The following SMU1 variants were observed in gnomAD, a reference collection of about 807,000 sequenced individuals.
The protein encoded by SMU1 is SMU1 DNA replication regulator and spliceosomal factor.
Under a neutral mutation model 62.0 loss-of-function variants are expected in SMU1, and 2 were observed. The observed-to-expected ratio is 0.03, with a 90% CI of 0.01 to 0.10. The LOEUF (loss-of-function observed/expected upper bound fraction) is 0.10. SMU1 is among the 10% of genes least tolerant of loss of function. SMU1 has a pLI of 1.00. For synonymous variants in SMU1, 188 were observed against 212.4 expected (o/e 0.89, Z 1.00); for missense variants, 227 against 622.1 (o/e 0.36, Z 6.76).
At position 33,044,639 on chromosome 9, in the gene SMU1, G is replaced by A. The variant is rs375400510; in HGVS notation, c.*2654C>T. On this transcript the variant is annotated 3_prime_UTR_variant, in exon 12 of 12. Coordinates refer to ENST00000397149, the MANE Select transcript of SMU1 (RefSeq NM_018225.3). ...GTGTGCCCATTTAAAGACAAAATCA[G>A]TGTGTTTTTCAGGTTTGTACGAAAT... The A allele has an allele frequency of 6.6e-6, 1 of 152,242 alleles. No individual in the cohort carries two copies. Among genetic ancestry groups the A allele is most frequent in the Non-Finnish European group, 1.5e-5 (1 of 68,050 alleles). The allele number at this position is 152,242 out of a possible 1,614,324, so 9.4% of individuals were successfully genotyped here. A position where few individuals can be genotyped will look rare whatever the true frequency, so the allele number is the denominator to read the frequency against.
At chr9:33,047,625 A>C (rs926150420) in intron 11 of SMU1, among the ~76,000 whole-genome samples, 1 of 152,210 alleles carries the variant, frequency 6.6e-6, no homozygotes, top group Non-Finnish European at 1.5e-5. Flanking sequence ...TGGGAGGCAG[A>C]GGCGGGTGGA....
In SMU1 at chr9:33,047,411, G is replaced by C. The variant is rs538367314; in HGVS notation, c.1444-20C>G. 6.9e-5 allele frequency: 110 copies of C among 1,600,566 alleles called. No individual in the cohort carries two copies. The highest frequency in any genetic ancestry group is 8.7e-5 in the Non-Finnish European group (102 of 1,169,686). On this transcript the variant is annotated intron_variant, in intron 11 of 11. Coordinates refer to ENST00000397149, the MANE Select transcript of SMU1 (RefSeq NM_018225.3). ...GTGCACCTGGAACATGTAAAGCACA[G>C]GGTTAGGATGTACAGATCTGCAATA...
At position 33,046,526 on chromosome 9, in the gene SMU1, A is replaced by G. The variant is rs1839185976; in HGVS notation, c.*767T>C. 1 of 151,426 alleles carries G rather than the reference A, an allele frequency of 6.6e-6. No homozygotes were observed. The highest frequency in any genetic ancestry group is 1.5e-5 in the Non-Finnish European group (1 of 67,960). 9.4% of individuals were successfully genotyped at this position (151,426 alleles called of 1,614,324 possible). A position where few individuals can be genotyped will look rare whatever the true frequency, so the allele number is the denominator to read the frequency against. ...AAGTAAATATGTTAACTAGATGAGCATTTATGTACATTTTAGAACAAAGTC... is the reference window on the plus strand; with the variant it reads ...AAGTAAATATGTTAACTAGATGAGCGTTTATGTACATTTTAGAACAAAGTC... On this transcript the variant is annotated 3_prime_UTR_variant, in exon 12 of 12. Coordinates refer to ENST00000397149, the MANE Select transcript of SMU1 (RefSeq NM_018225.3).
At chr9:33,062,536 C>G (rs909885019) in intron 4 of SMU1, among the ~76,000 whole-genome samples, 1 of 152,188 alleles carries the variant, frequency 6.6e-6, no homozygotes, top group African/African-American at 2.4e-5. Flanking sequence ...ATCTTCCCCC[C>G]CCACATATGT....
intron 10 of SMU1, among the ~76,000 whole-genome samples, chr9:33,050,645 G>A (rs1175576141): frequency 6.6e-6 from 1 of 151,728 alleles, no homozygotes; most frequent in Admixed American, 6.6e-5. Flanking sequence ...GGCCAAGATG[G>A]TGCAACCCTG....
chr9:33,047,447 A>G (rs1297441746), intron 11 of SMU1, 56 bp from the exon 12 acceptor site: 1 of 1,460,166 alleles, frequency 6.8e-7, no homozygotes, highest in Non-Finnish European at 9.5e-7. Context: ...AATCACTCTG[A>G]TGAGGCTTCC....
intron 4 of SMU1, among the ~76,000 whole-genome samples, chr9:33,065,074 C>G (rs1839405451): frequency 6.6e-6 from 1 of 152,014 alleles, no homozygotes; most frequent in African/African-American, 2.4e-5. Context: ...ACATGCTTTC[C>G]CTAGGTAATT....
chr9:33,075,115 G>A (rs578169064), intron 1 of SMU1, among the ~76,000 whole-genome samples: 4 of 152,164 alleles, frequency 2.6e-5, no homozygotes, highest in Non-Finnish European at 4.4e-5. Context: ...GGTGGCTCAC[G>A]CCTGTAATCT....
chr9:33,048,373 T>C, intron 10 of SMU1, 115 bp from the exon 11 acceptor site: 2 of 1,302,694 alleles, frequency 1.5e-6, no homozygotes, highest in Non-Finnish European at 2.1e-6. Flanking sequence ...TTTACTATCA[T>C]TTGTAATTAG....
chr9:33,047,237 T>C lies in SMU1; in HGVS notation c.*56A>G. On this transcript the variant is annotated 3_prime_UTR_variant, in exon 12 of 12. Transcript: ENST00000397149. ...CAAAAAAAAAAAAAAGCACATTACA[T>C]GAATATGCTTCATTTAAGTACATGC... The C allele has an allele frequency of 2.6e-6, 3 of 1,165,974 alleles. 1 individual carries two copies. The Admixed American group carries it at 6.5e-5, about 25-fold the overall frequency. The allele number at this position is 1,165,974 out of a possible 1,614,324, so 72.2% of individuals were successfully genotyped here. A position where few individuals can be genotyped will look rare whatever the true frequency, so the allele number is the denominator to read the frequency against.
chr9:33,051,959 G>C (rs911687149), intron 10 of SMU1, among the ~76,000 whole-genome samples: 1 of 150,694 alleles, frequency 6.6e-6, no homozygotes, highest in Non-Finnish European at 1.5e-5. Flanking sequence ...GGAGGTTACA[G>C]TGAGCCGAGA....
At chr9:33,064,945 G>C (rs994706739) in intron 4 of SMU1, among the ~76,000 whole-genome samples, 4 of 152,056 alleles carry the variant, frequency 2.6e-5, no homozygotes, top group African/African-American at 7.2e-5. Flanking sequence ...GTTTCGCCAC[G>C]TTGGCCAGGC....
intron 11 of SMU1, among the ~76,000 whole-genome samples, chr9:33,047,877 A>G (rs764081995): frequency 1.3e-5 from 2 of 152,174 alleles, no homozygotes; most frequent in Non-Finnish European, 2.9e-5. Context: ...ATAAAATAAA[A>G]TAAAAATAAA....
chr9:33,054,651 A>G (rs1215757976), intron 9 of SMU1, among the ~76,000 whole-genome samples: 2 of 152,116 alleles, frequency 1.3e-5, no homozygotes, highest in Non-Finnish European at 2.9e-5. Context: ...TCCTGATACC[A>G]CTCAATTCAT....
intron 10 of SMU1, 30 bp from the exon 11 acceptor site, chr9:33,048,288 C>A (rs1839207939): frequency 6.2e-7 from 1 of 1,612,032 alleles, no homozygotes; most frequent in South Asian, 1.1e-5. Flanking sequence ...AAGAAAAAAA[C>A]ATCAGGATTA....
chr9:33,069,434 T>C (rs894637054), intron 3 of SMU1, among the ~76,000 whole-genome samples: 3 of 152,222 alleles, frequency 2.0e-5, no homozygotes, highest in Non-Finnish European at 2.9e-5. Context: ...TAACATTCTA[T>C]TATCCAGTGC....
At chr9:33,073,867 C>G in intron 1 of SMU1, 61 bp from the exon 2 acceptor site, 1 of 1,450,936 alleles carries the variant, frequency 6.9e-7, no homozygotes, top group Non-Finnish European at 9.6e-7. Context: ...AAAAATAAAG[C>G]CTATCAAGCT....
intron 4 of SMU1, among the ~76,000 whole-genome samples, chr9:33,066,360 T>C (rs1044485582): frequency 2.0e-5 from 3 of 152,118 alleles, no homozygotes; most frequent in Admixed American, 1.3e-4. Context: ...CTATGCTTCC[T>C]TTCTCAGGAA....
At chr9:33,064,500 T>C (rs1285855793) in intron 4 of SMU1, among the ~76,000 whole-genome samples, 3 of 152,208 alleles carry the variant, frequency 2.0e-5, no homozygotes, top group Admixed American at 2.0e-4. Flanking sequence ...CCCAACATCA[T>C]ATACTAAATG....
Sources: gnomAD v4.1 joint callset for allele counts (sites outside exome capture counted in the v4.1 genomes callset) on GRCh38, gnomAD v4.1.1 for gene constraint, MANE v1.5 for transcripts, NCBI Gene and HGNC (gene_info 2026-07-23, HGNC 2026-07-21) for gene names.